RAB5IF: variants seen among roughly 807,000 people sequenced by gnomAD.
RAB5IF encodes the protein RAB5 interacting factor, also known as GEL complex subunit OPTI.
RAB5IF carries 15 observed loss-of-function variants against 20.3 expected under a neutral mutation model. The ratio of observed to expected loss-of-function variants is 0.74; its 90% CI spans 0.50 to 1.14. The LOEUF (loss-of-function observed/expected upper bound fraction) is 1.14, where lower values mean the gene tolerates loss of function less well. Among genes scored for constraint, RAB5IF ranks in the 50% most tolerant of loss-of-function variants. The pLI, the probability that RAB5IF is intolerant of heterozygous loss-of-function variation, is 0.00. For synonymous variants in RAB5IF, 67 were observed against 63.7 expected (o/e 1.05, Z -0.25); for missense variants, 148 against 159.5 (o/e 0.93, Z 0.39).
At chr20:36,609,160 C>CATACATACAT (rs1568595285) in intron 2 of RAB5IF, among the ~76,000 whole-genome samples, 5 of 55,198 alleles carry the variant, frequency 9.1e-5, no homozygotes, top group East Asian at 7.8e-4. Context: ...CTATATTACA[C>CATACATACAT]ACACACACAC....
chr20:36,608,556 CTTTTTTTTTTTTTT>C (rs34058641), intron 2 of RAB5IF, among the ~76,000 whole-genome samples: 1 of 104,888 alleles, frequency 9.5e-6, no homozygotes, highest in Non-Finnish European at 2.0e-5. Context: ...CGGTCTCATT[CTTTTTTTTTTTTTT>C]TTTTTTTTTT....
In RAB5IF at chr20:36,609,156, T is replaced by TACATACATAC; in HGVS notation, c.219-442_219-441insTACATACACA. 2.6e-3 allele frequency among the ~76,000 whole-genome samples: 44 copies of TACATACATAC among 17,066 alleles called. 5 individuals carry two copies. The highest frequency in any genetic ancestry group is 3.2e-3 in the Non-Finnish European group (28 of 8,884). The allele number at this position is 17,066 out of a possible 152,430, so 11.2% of individuals were successfully genotyped here. A position where few individuals can be genotyped will look rare whatever the true frequency, so the allele number is the denominator to read the frequency against. On this transcript the variant is annotated intron_variant, in intron 2 of 3. Coordinates refer to ENST00000344795, the MANE Select transcript of RAB5IF (RefSeq NM_018840.5). The stretch of plus-strand genomic sequence containing the variant: ...TTCAAGGGGCTTTGGAGAACTATAT[T>TACATACATAC]ACACACACACACACACACACACACA...
Position 36,612,147 on chromosome 20 carries a change from A to C in RAB5IF, c.*96A>C. 1 of 1,614,136 alleles carries C rather than the reference A, an allele frequency of 6.2e-7. No homozygotes were observed. The highest frequency in any genetic ancestry group is 8.5e-7 in the Non-Finnish European group (1 of 1,180,006). ...CGTTGGGGAACCCCAGCCCCTTGGA[A>C]CTTGGAAGACCCGTGTTTCCTGGAC... On this transcript the variant is annotated 3_prime_UTR_variant, in exon 4 of 4. Coordinates refer to ENST00000344795, the MANE Select transcript of RAB5IF (RefSeq NM_018840.5).
In RAB5IF at chr20:36,612,287, C is replaced by T; in HGVS notation, c.*236C>T. ...TGAATTTATCCATCACCAACCATTT[C>T]TTCTTGGATACCATCAAGTAACAGC... On this transcript the variant is annotated 3_prime_UTR_variant, in exon 4 of 4. Coordinates refer to ENST00000344795, the MANE Select transcript of RAB5IF (RefSeq NM_018840.5). 6 of 1,464,808 alleles carry T rather than the reference C, an allele frequency of 4.1e-6. No homozygotes were observed. The highest frequency in any genetic ancestry group is 5.7e-6 in the Non-Finnish European group (6 of 1,045,298). 90.7% of individuals were successfully genotyped at this position (1,464,808 alleles called of 1,614,324 possible). A position where few individuals can be genotyped will look rare whatever the true frequency, so the allele number is the denominator to read the frequency against.
rs919174934 is a variant in RAB5IF, at chr20:36,610,377, T to G, written c.348+647T>G. On this transcript the variant is annotated intron_variant, in intron 3 of 3. Transcript: ENST00000344795. ...TGATGAATGGATAAGATACTATGTA[T>G]CCATACAGTAGAATGTTATTTGGCC... Among the ~76,000 whole-genome samples, 24 of 152,066 alleles carry G rather than the reference T, an allele frequency of 1.6e-4. 1 individual carries two copies. Among genetic ancestry groups the G allele is most frequent in the Non-Finnish European group, 1.5e-5 (1 of 68,028 alleles).
In RAB5IF at chr20:36,612,546, TTTAA is replaced by T. The variant is rs2039151373; in HGVS notation, c.*498_*501del. Reference sequence around the variant, plus strand: ...TTCACATACTTGAATAAATCAAATCTTTAATTGAGAACCTGTTGATGATACCTGA... The same window carrying T: ...TTCACATACTTGAATAAATCAAATCTTTGAGAACCTGTTGATGATACCTGA... On this transcript the variant is annotated 3_prime_UTR_variant, in exon 4 of 4. Transcript: ENST00000344795. The T allele has an allele frequency of 8.4e-6, 3 of 355,738 alleles. No individual in the cohort carries two copies. Among genetic ancestry groups the T allele is most frequent in the South Asian group, 5.5e-5 (2 of 36,656 alleles). The allele number at this position is 355,738 out of a possible 1,614,324, so 22.0% of individuals were successfully genotyped here.
chr20:36,612,135 C>T lies in RAB5IF; in HGVS notation c.*84C>T, dbSNP rs1018418843. 4.3e-6 allele frequency: 7 copies of T among 1,614,202 alleles called. No homozygotes were observed. The African/African-American group carries it at 9.3e-5, about 22-fold the overall frequency. On this transcript the variant is annotated 3_prime_UTR_variant, in exon 4 of 4. Coordinates refer to ENST00000344795, the MANE Select transcript of RAB5IF (RefSeq NM_018840.5). ...CAGGAACTTGATCGTTGGGGAACCC[C>T]AGCCCCTTGGAACTTGGAAGACCCG...
intron 1 of RAB5IF, among the ~76,000 whole-genome samples, chr20:36,607,158 T>C (rs1333991395): frequency 6.6e-6 from 1 of 152,170 alleles, no homozygotes; most frequent in Non-Finnish European, 1.5e-5. Context: ...ACAATTATTA[T>C]CACAGTCATT....
chr20:36,607,259 CTTTTTT>C (rs1157365481), intron 1 of RAB5IF, among the ~76,000 whole-genome samples: 3 of 132,884 alleles, frequency 2.3e-5, no homozygotes, highest in African/African-American at 2.8e-5. Flanking sequence ...CTAAATGTAT[CTTTTTT>C]TTTTTTTTTT....
At chr20:36,609,255 A>ACACACT (rs1568595802) in intron 2 of RAB5IF, among the ~76,000 whole-genome samples, 6 of 116,524 alleles carry the variant, frequency 5.1e-5, no homozygotes, top group East Asian at 4.6e-4. Context: ...ACACACACAC[A>ACACACT]CTATATATAG....
rs1159274405 is a variant in RAB5IF at position 36,609,591 on chromosome 20, G to C, written c.219-10G>C. On this transcript the variant is annotated splice_polypyrimidine_tract_variant and intron_variant, in intron 2 of 3. Transcript: ENST00000344795. ...AATTTATGTTTGGTACTTGTTCTCT[G>C]TTGCTCCAGATTCTGCCTGATCAAT... is the stretch of plus-strand genomic sequence containing the variant. The C allele has an allele frequency of 6.4e-7, 1 of 1,574,338 alleles. No homozygotes were observed. The highest frequency in any genetic ancestry group is 8.6e-7 in the Non-Finnish European group (1 of 1,161,570).
At chr20:36,611,935 T>G in intron 3 of RAB5IF, 75 bp from the exon 4 acceptor site, 5 of 1,594,424 alleles carry the variant, frequency 3.1e-6, no homozygotes, top group Non-Finnish European at 4.3e-6. Flanking sequence ...TACATTCTCA[T>G]CTGGCATTTT....
At chr20:36,609,870 C>A in intron 3 of RAB5IF, 140 bp downstream of exon 3, 2 of 1,483,024 alleles carry the variant, frequency 1.3e-6, no homozygotes, top group Non-Finnish European at 1.9e-6. Flanking sequence ...AGGGCCATGG[C>A]CTGTGTTGAG....
At position 36,609,665 on chromosome 20, in the gene RAB5IF, G is replaced by A. The variant is rs753741450; in HGVS notation, c.283G>A (p.Glu95Lys). The A allele has an allele frequency of 8.1e-6, 13 of 1,613,934 alleles. No individual in the cohort carries two copies. Among genetic ancestry groups the A allele is most frequent in the Non-Finnish European group, 1.0e-5 (12 of 1,179,934 alleles). The change falls in exon 3 of 4, where the codon GAA becomes AAA. Residue 95 changes from glutamate (E) to lysine (K), a missense_variant. Glu to Lys is a moderately conservative substitution (Grantham distance 56). Coordinates refer to ENST00000344795, the MANE Select transcript of RAB5IF (RefSeq NM_018840.5). ...YFSNYLQIDE[E>K]EYGGTWELTK... ...CAGCAATTACCTACAGATTGATGAG[G>A]AAGAATATGGTGGCACGTGGGAGCT...
chr20:36,607,546 C>T (rs553358164), intron 1 of RAB5IF, among the ~76,000 whole-genome samples, 169 bp from the exon 2 acceptor site: 31 of 152,244 alleles, frequency 2.0e-4, no homozygotes, highest in Admixed American at 1.8e-3. Context: ...TGTATCATTT[C>T]TACCACATTT....
At chr20:36,609,564 T>C in intron 2 of RAB5IF, 37 bp from the exon 3 acceptor site, 1 of 1,542,678 alleles carries the variant, frequency 6.5e-7, no homozygotes, top group Admixed American at 2.0e-5. Context: ...TTCTAAGCTT[T>C]CAATTTATGT....
Position 36,609,671 on chromosome 20 carries a change from T to C in RAB5IF, c.289T>C (p.Tyr97His). Residue 97 changes from tyrosine to histidine, a missense_variant, in exon 3 of 4, where the codon TAT (tyrosine) becomes CAT (histidine). Physicochemically the swap from Tyr to His is moderately conservative, Grantham distance 83. Transcript: ENST00000344795. ...TTACCTACAGATTGATGAGGAAGAA[T>C]ATGGTGGCACGTGGGAGCTCACGAA... The part of the protein sequence containing the change: ...SNYLQIDEEE[Y>H]GGTWELTKEG... The C allele has an allele frequency of 6.2e-7, 1 of 1,614,116 alleles. No individual in the cohort carries two copies. The highest frequency in any genetic ancestry group is 8.5e-7 in the Non-Finnish European group (1 of 1,179,970).
rs778133744 is a variant in RAB5IF at position 36,612,000 on chromosome 20, T to G, written c.349-10T>G. 12 of 1,614,148 alleles carry G rather than the reference T, an allele frequency of 7.4e-6. No individual in the cohort carries two copies. In the East Asian group the frequency reaches 2.5e-4, roughly 33 times the overall value. ...AGGTGACCTATGAACAGTGCTTGTC[T>G]CCTCACTAGGTCATTTGGATCATCT... is the stretch of plus-strand genomic sequence containing the variant. On this transcript the variant is annotated splice_polypyrimidine_tract_variant and intron_variant, in intron 3 of 3. Coordinates refer to ENST00000344795, the MANE Select transcript of RAB5IF (RefSeq NM_018840.5).
intron 2 of RAB5IF, chr20:36,608,140 C>T (rs112950899): frequency 1.0e-5 from 4 of 382,068 alleles, no homozygotes; most frequent in African/African-American, 4.2e-5. Flanking sequence ...TGTACCTGTG[C>T]GAGTTTGGGA....
Sources: gnomAD v4.1 joint callset for allele counts (sites outside exome capture counted in the v4.1 genomes callset) on GRCh38, gnomAD v4.1.1 for gene constraint, MANE v1.5 for transcripts, NCBI Gene and HGNC (gene_info 2026-07-23, HGNC 2026-07-21) for gene names.